DPYSL2: variants seen among roughly 807,000 people sequenced by gnomAD.
DPYSL2 encodes the protein dihydropyrimidinase-related protein 2.
Under a neutral mutation model 69.9 loss-of-function variants are expected in DPYSL2, and 13 were observed. That is an observed-to-expected ratio of 0.19 (90% CI 0.12 to 0.30). DPYSL2 has a LOEUF of 0.30. Ranked by LOEUF, DPYSL2 falls within the 10% of genes least tolerant of loss-of-function variation. The pLI, the probability that DPYSL2 is intolerant of heterozygous loss-of-function variation, is 1.00. For missense variants in DPYSL2, 587 were observed against 918.9 expected (o/e 0.64, Z 4.67); for synonymous variants, 326 against 359.1 (o/e 0.91, Z 1.04).
At chr8:26,551,779 C>A (rs1800878150) in intron 1 of DPYSL2, among the ~76,000 whole-genome samples, 1 of 152,114 alleles carries the variant, frequency 6.6e-6, no homozygotes. Context: ...AGGAAGATAG[C>A]TGGAAAATCC....
intron 3 of DPYSL2, among the ~76,000 whole-genome samples, chr8:26,601,741 T>C (rs1801998095): frequency 6.6e-6 from 1 of 152,146 alleles, no homozygotes; most frequent in Non-Finnish European, 1.5e-5. Context: ...AGACCTTGGG[T>C]TGAAACAGGA....
Position 26,641,863 on chromosome 8 carries a change from G to A in DPYSL2, c.1127-1576G>A, listed in dbSNP as rs940461789. On this transcript the variant is annotated intron_variant, in intron 8 of 13. Transcript: ENST00000521913. This position sits in a 1 kb window ranked among gnomAD's most constrained non-coding sequence, Gnocchi z 4.1. ...GCGAGTCCTTTGTGAAATTCCTGAG[G>A]CAGGAGGGGGCAGCTGTGCAGAGCC... Among the ~76,000 whole-genome samples, 2 of 152,226 alleles carry A rather than the reference G, an allele frequency of 1.3e-5. No homozygotes were observed. The highest frequency in any genetic ancestry group is 2.9e-5 in the Non-Finnish European group (2 of 68,026).
Position 26,626,482 on chromosome 8 carries a change from A to AACACACAC in DPYSL2, c.794-102_794-95dup, listed in dbSNP as rs58931747. The AACACACAC allele has an allele frequency of 1.8e-4, 98 of 547,492 alleles. No homozygotes were observed. Among genetic ancestry groups the AACACACAC allele is most frequent in the East Asian group, 1.7e-3 (53 of 31,820 alleles). The allele number at this position is 547,492 out of a possible 1,614,324, so 33.9% of individuals were successfully genotyped here. ...TCTCCTCTCTCTTTCTCTGTACTGA[A>AACACACAC]ACACACACACACACACACACACACA... On this transcript the variant is annotated intron_variant, in intron 4 of 13. Transcript: ENST00000521913. This position sits in a 1 kb window ranked among gnomAD's most constrained non-coding sequence, Gnocchi z 4.3.
At chr8:26,595,876 A>G (rs55775219) in intron 3 of DPYSL2, among the ~76,000 whole-genome samples, 5,648 of 152,252 alleles carry the variant, frequency 0.037, 344 homozygotes, top group African/African-American at 0.13. Context: ...GGGAGGACCC[A>G]TTATTAGCCA....
rs139712070 is a variant in DPYSL2, at chr8:26,654,759, A to C, written c.1943-856A>C. Among the ~76,000 whole-genome samples, 1 of 152,184 alleles carries C rather than the reference A, an allele frequency of 6.6e-6. No individual in the cohort carries two copies. Among genetic ancestry groups the C allele is most frequent in the Admixed American group, 6.5e-5 (1 of 15,284 alleles). The stretch of plus-strand genomic sequence containing the variant: ...TTTTGTATATAGTTTTACTTTCTCC[A>C]GTAATAGATCCAACAACCTTTATAC... On this transcript the variant is annotated intron_variant, in intron 13 of 13. Transcript: ENST00000521913. The surrounding 1 kb of genome is among the most constrained non-coding windows in gnomAD (Gnocchi z 5.0).
At chr8:26,546,401 C>G (rs75253304) in intron 1 of DPYSL2, among the ~76,000 whole-genome samples, 1 of 152,020 alleles carries the variant, frequency 6.6e-6, no homozygotes, top group Non-Finnish European at 1.5e-5. Flanking sequence ...TTGTTTTAGA[C>G]CTTCTACATA....
rs950779291 is a variant in DPYSL2, at chr8:26,533,412, T to C, written c.354+18733T>C. Reference sequence around the variant, plus strand: ...TCTTTTCTTTTGTTGCTTGTACTTTTGGTATCCTATTTAAGAGCGTATTTC... The same window carrying C: ...TCTTTTCTTTTGTTGCTTGTACTTTCGGTATCCTATTTAAGAGCGTATTTC... On this transcript the variant is annotated intron_variant, in intron 1 of 13. Transcript: ENST00000521913. This position sits in a 1 kb window ranked among gnomAD's most constrained non-coding sequence, Gnocchi z 4.8. Among the ~76,000 whole-genome samples, 1 of 152,252 alleles carries C rather than the reference T, an allele frequency of 6.6e-6. No individual in the cohort carries two copies. Among genetic ancestry groups the C allele is most frequent in the Admixed American group, 6.5e-5 (1 of 15,286 alleles).
At chr8:26,551,811 T>G (rs1800878863) in intron 1 of DPYSL2, among the ~76,000 whole-genome samples, 1 of 152,124 alleles carries the variant, frequency 6.6e-6, no homozygotes, top group African/African-American at 2.4e-5. Context: ...AAGAATATAC[T>G]TTTATTGTAT....
At chr8:26,595,469 A>G (rs367950709) in intron 3 of DPYSL2, among the ~76,000 whole-genome samples, 3 of 152,204 alleles carry the variant, frequency 2.0e-5, no homozygotes, top group African/African-American at 7.2e-5. Context: ...TGGCATTCAA[A>G]TGAGGCCAAC....
chr8:26,517,070 G>C lies in DPYSL2; in HGVS notation c.354+2391G>C, dbSNP rs1808301849. On this transcript the variant is annotated intron_variant, in intron 1 of 13. Transcript: ENST00000521913. This position sits in a 1 kb window ranked among gnomAD's most constrained non-coding sequence, Gnocchi z 4.2. The stretch of plus-strand genomic sequence containing the variant: ...TGGAAGCCCTGACGCAGAGAAAGGT[G>C]GGGGAGATTGAGAATGGGTGGATCC... Among the ~76,000 whole-genome samples the C allele has an allele frequency of 6.6e-6, 1 of 152,162 alleles. No individual in the cohort carries two copies. Among genetic ancestry groups the C allele is most frequent in the South Asian group, 2.1e-4 (1 of 4,834 alleles).
Position 26,624,631 on chromosome 8 carries a change from A to C in DPYSL2, c.793+324A>C, listed in dbSNP as rs1802576061. Among the ~76,000 whole-genome samples, 1 of 152,152 alleles carries C rather than the reference A, an allele frequency of 6.6e-6. No individual in the cohort carries two copies. The highest frequency in any genetic ancestry group is 6.6e-5 in the Admixed American group (1 of 15,266). On this transcript the variant is annotated intron_variant, in intron 4 of 13. Coordinates refer to ENST00000521913, the MANE Select transcript of DPYSL2 (RefSeq NM_001197293.3). This position sits in a 1 kb window ranked among gnomAD's most constrained non-coding sequence, Gnocchi z 4.7. ...CCAGGGTGGGGAGTTGAGGCTGCTG[A>C]GAGAGAGATTTACCCTCAAAAGATA...
At chr8:26,537,011 T>C (rs981118997) in intron 1 of DPYSL2, among the ~76,000 whole-genome samples, 3 of 148,372 alleles carry the variant, frequency 2.0e-5, no homozygotes, top group Non-Finnish European at 4.4e-5. Flanking sequence ...CTGACAAGTA[T>C]ATAAATGGAG....
At position 26,619,218 on chromosome 8, in the gene DPYSL2, C is replaced by T. The variant is rs111438367; in HGVS notation, c.629-4925C>T. Among the ~76,000 whole-genome samples the T allele has an allele frequency of 0.011, 1,732 of 152,266 alleles. 28 individuals are homozygous for T. The highest frequency in any genetic ancestry group is 0.015 in the Non-Finnish European group (998 of 68,018). On this transcript the variant is annotated intron_variant, in intron 3 of 13. Coordinates refer to ENST00000521913, the MANE Select transcript of DPYSL2 (RefSeq NM_001197293.3). The surrounding 1 kb of genome is among the most constrained non-coding windows in gnomAD (Gnocchi z 4.8). ...TCCTCAGTGGGGACTCTACTCCCTC[C>T]GGAAGTGAGTATGACATTCTGCCCT...
rs1803031330 is a variant in DPYSL2, at chr8:26,641,126, GT to G, written c.1127-2310del. 6.6e-6 allele frequency among the ~76,000 whole-genome samples: 1 copy of G among 152,192 alleles called. No homozygotes were observed. On this transcript the variant is annotated intron_variant, in intron 8 of 13. Coordinates refer to ENST00000521913, the MANE Select transcript of DPYSL2 (RefSeq NM_001197293.3). The surrounding 1 kb of genome is among the most constrained non-coding windows in gnomAD (Gnocchi z 4.1). ...AGAACCAGCCCCTCCTTGTACTTAA[GT>G]TTCTAGAGGCAGGGCCGAGGAGCAG...
chr8:26,575,483 C>T (rs1801312395), intron 1 of DPYSL2, among the ~76,000 whole-genome samples: 2 of 152,128 alleles, frequency 1.3e-5, no homozygotes, highest in South Asian at 4.1e-4. Flanking sequence ...CTTCCTCGGT[C>T]AATTTAAACC....
chr8:26,615,313 C>G (rs923844076), intron 3 of DPYSL2, among the ~76,000 whole-genome samples: 6 of 152,176 alleles, frequency 3.9e-5, no homozygotes, highest in Non-Finnish European at 8.8e-5. Flanking sequence ...TCTCACCTTT[C>G]AATGTTTGTG....
In DPYSL2 at chr8:26,656,837, A is replaced by G. The variant is rs1236880806; in HGVS notation, c.*1131A>G. The G allele has an allele frequency of 1.3e-5, 2 of 152,642 alleles. No homozygotes were observed. The highest frequency in any genetic ancestry group is 2.9e-5 in the Non-Finnish European group (2 of 68,088). The allele number at this position is 152,642 out of a possible 1,614,324, so 9.5% of individuals were successfully genotyped here. On this transcript the variant is annotated 3_prime_UTR_variant, in exon 14 of 14. Coordinates refer to ENST00000521913, the MANE Select transcript of DPYSL2 (RefSeq NM_001197293.3). ...GACAGGGCCCAGAAGCTTTAGAGGTATGAGGCTGCAGAACCGGAGAGATTT... is the reference window on the plus strand; with the variant it reads ...GACAGGGCCCAGAAGCTTTAGAGGTGTGAGGCTGCAGAACCGGAGAGATTT...
intron 1 of DPYSL2, among the ~76,000 whole-genome samples, chr8:26,576,178 T>C (rs866598777): frequency 6.6e-6 from 1 of 152,220 alleles, no homozygotes; most frequent in Non-Finnish European, 1.5e-5. Context: ...TTCAGATTTT[T>C]AGAGATATAG....
intron 3 of DPYSL2, among the ~76,000 whole-genome samples, chr8:26,590,774 T>A (rs1801708058): frequency 2.6e-5 from 4 of 152,216 alleles, no homozygotes; most frequent in African/African-American, 9.7e-5. Context: ...TAATGCCTGG[T>A]GCGGTACAGG....
Sources: allele counts gnomAD v4.1 joint callset (sites outside exome capture counted in the v4.1 genomes callset), GRCh38; gene constraint gnomAD v4.1.1; non-coding constraint Gnocchi (gnomAD v3.1); transcripts MANE v1.5; gene names NCBI Gene and HGNC (gene_info 2026-07-23, HGNC 2026-07-21).